The following HYCC2 variants were observed in gnomAD, a reference collection of about 807,000 sequenced individuals.
HYCC2 encodes the protein hyccin PI4KA lipid kinase complex subunit 2.
chr2:201,045,660 C>CAGTTTTGATA, the HYCC2 span: 1 of 395,424 alleles, frequency 2.5e-6, no homozygotes, highest in Admixed American at 4.4e-5. Flanking sequence ...ATACAAAGAA[C>CAGTTTTGATA]AGTTTTGATA....
the HYCC2 span, among the ~76,000 whole-genome samples, chr2:200,988,983 G>A: frequency 6.6e-6 from 1 of 152,216 alleles, no homozygotes; most frequent in East Asian, 1.9e-4. Context: ...AGCCCATGTG[G>A]AATTAAGCAG....
At chr2:201,028,917 G>T in the HYCC2 span, among the ~76,000 whole-genome samples, 2 of 152,076 alleles carry the variant, frequency 1.3e-5, no homozygotes, top group Non-Finnish European at 1.5e-5. Flanking sequence ...AGGACTTCAT[G>T]ACTAAAACAC....
chr2:201,038,471 C>T, the HYCC2 span, among the ~76,000 whole-genome samples: 1 of 152,088 alleles, frequency 6.6e-6, no homozygotes, highest in Non-Finnish European at 1.5e-5. Context: ...CTATTCACAA[C>T]AGCAAAGACT....
chr2:201,050,140 C>T, the HYCC2 span, among the ~76,000 whole-genome samples: 3 of 151,104 alleles, frequency 2.0e-5, no homozygotes, highest in South Asian at 2.1e-4. Flanking sequence ...CTTGAGCCCA[C>T]GAGTTTAAGG....
At chr2:201,060,738 A>G in the HYCC2 span, among the ~76,000 whole-genome samples, 368 of 152,308 alleles carry the variant, frequency 2.4e-3, 3 homozygotes, top group African/African-American at 8.5e-3. Context: ...TAAAGCAAAA[A>G]AGAGACTCCA....
the HYCC2 span, among the ~76,000 whole-genome samples, chr2:201,045,834 A>G: frequency 3.3e-5 from 5 of 152,188 alleles, no homozygotes; most frequent in African/African-American, 9.6e-5. Context: ...TTAATTATCT[A>G]TAAGACCTTG....
At chr2:201,048,999 T>G in the HYCC2 span, among the ~76,000 whole-genome samples, 1 of 151,606 alleles carries the variant, frequency 6.6e-6, no homozygotes, top group African/African-American at 2.4e-5. Context: ...TGTGGTGGTG[T>G]GTGCCTGTAG....
the HYCC2 span, among the ~76,000 whole-genome samples, chr2:201,004,841 C>G: frequency 6.6e-6 from 1 of 151,906 alleles, no homozygotes; most frequent in Non-Finnish European, 1.5e-5. Context: ...CACAGTGAAA[C>G]CCCGTCTCTA....
chr2:201,041,621 G>A, the HYCC2 span, among the ~76,000 whole-genome samples: 1 of 152,150 alleles, frequency 6.6e-6, no homozygotes, highest in Non-Finnish European at 1.5e-5. Flanking sequence ...GAACTTCGGG[G>A]TTTGTAACTT....
the HYCC2 span, chr2:200,974,417 C>T: frequency 6.6e-6 from 1 of 151,964 alleles, no homozygotes; most frequent in Non-Finnish European, 1.5e-5. Context: ...ACCCTAAAAA[C>T]TGTTTCACTT....
chr2:200,999,140 G>A, the HYCC2 span, among the ~76,000 whole-genome samples: 1 of 152,164 alleles, frequency 6.6e-6, no homozygotes, highest in Non-Finnish European at 1.5e-5. Context: ...TAAGATACCA[G>A]AAGAGTTGTT....
At chr2:200,987,455 T>A in the HYCC2 span, 1 of 1,289,786 alleles carries the variant, frequency 7.8e-7, no homozygotes, top group Non-Finnish European at 1.0e-6. Flanking sequence ...ACACGTTTGA[T>A]CCCTAGGTCA....
At chr2:201,063,513 G>A in the HYCC2 span, 1 of 1,592,488 alleles carries the variant, frequency 6.3e-7, no homozygotes, top group Non-Finnish European at 8.5e-7. Flanking sequence ...GACCGAGGCA[G>A]TGGGAAGAAA....
the HYCC2 span, among the ~76,000 whole-genome samples, chr2:201,026,352 A>T: frequency 1.3e-5 from 2 of 152,130 alleles, no homozygotes; most frequent in African/African-American, 4.8e-5. Flanking sequence ...TAGACTCCCA[A>T]ACAGTAATAA....
chr2:200,997,376 G>T, the HYCC2 span: 2 of 1,138,974 alleles, frequency 1.8e-6, no homozygotes, highest in Non-Finnish European at 2.6e-6. Flanking sequence ...ACAGTGCTTG[G>T]CTTAGAGAAT....
At chr2:201,039,354 T>C in the HYCC2 span, among the ~76,000 whole-genome samples, 2 of 152,234 alleles carry the variant, frequency 1.3e-5, no homozygotes, top group Non-Finnish European at 2.9e-5. Flanking sequence ...CTGACAGTGT[T>C]ATTTCTGGCC....
the HYCC2 span, among the ~76,000 whole-genome samples, chr2:201,012,002 G>A: frequency 6.6e-6 from 1 of 152,100 alleles, no homozygotes; most frequent in Non-Finnish European, 1.5e-5. Context: ...TTTAATATAT[G>A]TATATACTGT....
chr2:201,041,126 A>G, the HYCC2 span, among the ~76,000 whole-genome samples: 1 of 152,212 alleles, frequency 6.6e-6, no homozygotes, highest in Non-Finnish European at 1.5e-5. Context: ...TAAACATTAC[A>G]TAAGTGTTTG....
chr2:200,988,257 C>T, the HYCC2 span: 19 of 1,601,160 alleles, frequency 1.2e-5, no homozygotes, highest in Non-Finnish European at 1.4e-5. Flanking sequence ...GGATTTTGTA[C>T]TCACCTTCTC....
Sources: gnomAD v4.1 joint callset for allele counts (sites outside exome capture counted in the v4.1 genomes callset) on GRCh38, gnomAD v4.1.1 for gene constraint, MANE v1.5 for transcripts, NCBI Gene and HGNC (gene_info 2026-07-23, HGNC 2026-07-21) for gene names.